MAGI1: variants seen among roughly 807,000 people sequenced by gnomAD.
MAGI1 encodes membrane associated guanylate kinase, WW and PDZ domain containing 1.
Under a neutral mutation model 139.9 loss-of-function variants are expected in MAGI1, and 58 were observed. The observed-to-expected ratio is 0.41, with a 90% CI of 0.34 to 0.52. The LOEUF is 0.52. MAGI1 is among the 20% of genes least tolerant of loss of function. The pLI, the probability that MAGI1 is intolerant of heterozygous loss-of-function variation, is 0.12. For missense variants in MAGI1, 1,874 were observed against 1,901.6 expected (o/e 0.99, Z 0.27); for synonymous variants, 812 against 737.9 (o/e 1.10, Z -1.63).
At chr3:65,792,889 G>T (rs1388360285) in intron 1 of MAGI1, among the ~76,000 whole-genome samples, 1 of 152,058 alleles carries the variant, frequency 6.6e-6, no homozygotes, top group Non-Finnish European at 1.5e-5. Context: ...CGCGGGGGAG[G>T]GCAGGCGCTA....
chr3:65,853,207 C>A (rs909941572), intron 1 of MAGI1, among the ~76,000 whole-genome samples: 1 of 152,066 alleles, frequency 6.6e-6, no homozygotes, highest in African/African-American at 2.4e-5. Context: ...TACTCTGGGA[C>A]ACATCAGCAG....
chr3:65,602,178 G>A (rs191392097), intron 2 of MAGI1, among the ~76,000 whole-genome samples: 3 of 152,188 alleles, frequency 2.0e-5, no homozygotes, highest in Admixed American at 1.3e-4. Context: ...TTAAATTTAT[G>A]ATATGACCAA....
At chr3:65,839,551 T>C (rs2058737312) in intron 1 of MAGI1, among the ~76,000 whole-genome samples, 1 of 152,102 alleles carries the variant, frequency 6.6e-6, no homozygotes, top group Non-Finnish European at 1.5e-5. Context: ...CTTCAACAAA[T>C]AGTGGCAAAA....
chr3:65,722,647 T>C (rs1437452445), intron 1 of MAGI1, among the ~76,000 whole-genome samples: 1 of 150,812 alleles, frequency 6.6e-6, no homozygotes, highest in African/African-American at 2.5e-5. Flanking sequence ...ACAAAAAAAT[T>C]ACTTTGGACT....
chr3:65,593,542 T>C (rs1461641280), intron 2 of MAGI1, among the ~76,000 whole-genome samples: 1 of 152,232 alleles, frequency 6.6e-6, no homozygotes, highest in Non-Finnish European at 1.5e-5. Flanking sequence ...GAAAATAATA[T>C]GTATCATTAA....
intron 1 of MAGI1, among the ~76,000 whole-genome samples, chr3:65,979,291 C>T (rs2065443790): frequency 1.3e-5 from 2 of 152,098 alleles, no homozygotes; most frequent in Admixed American, 1.3e-4. Context: ...TGATCACATT[C>T]CCGGGGTGGA....
intron 2 of MAGI1, among the ~76,000 whole-genome samples, chr3:65,493,860 A>G (rs1024978842): frequency 6.6e-6 from 1 of 152,198 alleles, no homozygotes; most frequent in Non-Finnish European, 1.5e-5. Context: ...AGAGAGAGAA[A>G]ACCAAGCACC....
chr3:65,550,249 A>G (rs1020184447), intron 2 of MAGI1, among the ~76,000 whole-genome samples: 1 of 152,240 alleles, frequency 6.6e-6, no homozygotes, highest in African/African-American at 2.4e-5. Flanking sequence ...ATTAAAGATC[A>G]GAAAGACAAA....
intron 2 of MAGI1, among the ~76,000 whole-genome samples, chr3:65,596,756 C>T (rs940195708): frequency 2.0e-5 from 3 of 152,182 alleles, no homozygotes; most frequent in Non-Finnish European, 4.4e-5. Context: ...GGCCCATTCA[C>T]TTACAGAACC....
chr3:65,597,239 A>C (rs2082253178), intron 2 of MAGI1, among the ~76,000 whole-genome samples: 1 of 149,328 alleles, frequency 6.7e-6, no homozygotes, highest in African/African-American at 2.5e-5. Flanking sequence ...TCCATCAGGA[A>C]CTCATTTCGC....
chr3:65,649,641 T>C (rs1023515616), intron 1 of MAGI1, among the ~76,000 whole-genome samples: 4 of 152,168 alleles, frequency 2.6e-5, no homozygotes, highest in African/African-American at 9.7e-5. Context: ...GAATATTCAA[T>C]AGTAAAACAA....
At chr3:65,722,803 T>C (rs542387165) in intron 1 of MAGI1, among the ~76,000 whole-genome samples, 5 of 152,224 alleles carry the variant, frequency 3.3e-5, no homozygotes, top group South Asian at 4.2e-4. Flanking sequence ...TAGCCCTCCA[T>C]AGGCCCACAT....
chr3:65,632,024 CAAAA>C (rs397962718), intron 1 of MAGI1, among the ~76,000 whole-genome samples: 1 of 126,402 alleles, frequency 7.9e-6, no homozygotes, highest in African/African-American at 2.8e-5. Flanking sequence ...GACTCCGTCT[CAAAA>C]AAAAAAAAAC....
At chr3:65,839,406 CT>C (rs79801193) in intron 1 of MAGI1, among the ~76,000 whole-genome samples, 9,400 of 148,484 alleles carry the variant, frequency 0.063, 458 homozygotes, top group South Asian at 0.23. Flanking sequence ...ATTCCTTCGA[CT>C]TTTTTTTTTA....
intron 2 of MAGI1, among the ~76,000 whole-genome samples, chr3:65,600,923 A>G (rs993557542): frequency 2.0e-5 from 3 of 152,202 alleles, no homozygotes; most frequent in Non-Finnish European, 4.4e-5. Context: ...TGGCTTTCTC[A>G]GTGTGAACCA....
intron 1 of MAGI1, among the ~76,000 whole-genome samples, chr3:65,830,928 G>C (rs1221009502): frequency 1.3e-5 from 2 of 152,186 alleles, no homozygotes; most frequent in African/African-American, 4.8e-5. Context: ...GGTGGTTTTA[G>C]AAAGGTTACA....
intron 2 of MAGI1, among the ~76,000 whole-genome samples, chr3:65,571,731 G>A (rs1393881776): frequency 2.0e-5 from 3 of 151,782 alleles, no homozygotes; most frequent in Non-Finnish European, 4.4e-5. Flanking sequence ...ACACCCATAG[G>A]TGTAGTTGAT....
Position 65,363,584 on chromosome 3 carries a change from G to C in MAGI1, c.3376C>G (p.Leu1126Val). ...CCAAATCCCTTGGCTCCTCTTTCCA[G>C]TTCCACAGTGTAAAAATCTTGCTCC... ...TQEQDFYTVE[L>V]ERGAKGFGFS... Residue 1126 changes from leucine (L) to valine (V), a missense_variant, in exon 21 of 23, where the codon CTG (leucine) becomes GTG (valine). By Grantham distance (32) the Leu-to-Val change is conservative. Coordinates refer to ENST00000402939, the MANE Select transcript of MAGI1 (RefSeq NM_001033057.2). 6.2e-7 allele frequency: 1 copy of C among 1,613,686 alleles called. No homozygotes were observed. Among genetic ancestry groups the C allele is most frequent in the Non-Finnish European group, 8.5e-7 (1 of 1,179,836 alleles).
chr3:65,593,526 T>A (rs1302176081), intron 2 of MAGI1, among the ~76,000 whole-genome samples: 1 of 152,188 alleles, frequency 6.6e-6, no homozygotes, highest in Non-Finnish European at 1.5e-5. Context: ...AACTATCTGG[T>A]TGGTGGAAAA....
Sources: gnomAD v4.1 joint callset for allele counts (sites outside exome capture counted in the v4.1 genomes callset) on GRCh38, gnomAD v4.1.1 for gene constraint, MANE v1.5 for transcripts, NCBI Gene and HGNC (gene_info 2026-07-23, HGNC 2026-07-21) for gene names.